Variants in SASH1 observed in about 807,000 individuals in gnomAD.
SASH1 encodes SAM and SH3 domain containing 1.
SASH1 carries 44 observed loss-of-function variants against 125.2 expected under a neutral mutation model. The ratio of observed to expected loss-of-function variants is 0.35; its 90% confidence interval spans 0.28 to 0.45. SASH1 has a LOEUF of 0.45. Ranked by LOEUF, SASH1 falls within the 20% of genes least tolerant of loss-of-function variation. The pLI, the probability that SASH1 is intolerant of heterozygous loss-of-function variation, is 1.00. For missense variants in SASH1, 1,426 were observed against 1,614.5 expected, an observed-to-expected ratio of 0.88 and a Z score of 2.00; for synonymous variants, 639 against 649.1, an observed-to-expected ratio of 0.98 and a Z score of 0.24.
intron 1 of SASH1, among the ~76,000 whole-genome samples, chr6:148,273,029 G>A (rs1433544001): frequency 6.6e-6 from 1 of 152,090 alleles, no homozygotes; most frequent in Non-Finnish European, 1.5e-5. Context: ...AGAGGCCGGG[G>A]CGGGAAGGTT....
intron 1 of SASH1, among the ~76,000 whole-genome samples, chr6:148,283,043 T>G (rs1271445464): frequency 6.6e-6 from 1 of 152,172 alleles, no homozygotes; most frequent in Non-Finnish European, 1.5e-5. Context: ...GCCAACTGCT[T>G]CCCAATTTCA....
At chr6:148,225,157 A>G in the SASH1 span, among the ~76,000 whole-genome samples, 2 of 152,228 alleles carry the variant, frequency 1.3e-5, no homozygotes, top group Non-Finnish European at 2.9e-5. Context: ...GGCTATTGTT[A>G]ACGCAACTCC....
intron 2 of SASH1, chr6:148,393,888 C>CTT (rs67180276): frequency 9.5e-4 from 103 of 108,728 alleles, no homozygotes; most frequent in African/African-American, 2.0e-3. Flanking sequence ...CTCTCTCTCT[C>CTT]TTTTTTTTTT....
chr6:148,461,137 G>GT lies in SASH1; in HGVS notation c.387-7403dup, dbSNP rs1490732392. 2.0e-5 allele frequency among the ~76,000 whole-genome samples: 3 copies of GT among 152,316 alleles called. No homozygotes were observed. In the East Asian group the frequency reaches 5.8e-4, roughly 29 times the overall value. ...TCTTAACAGTCCATTAAGGGGTACT[G>GT]TTTTTATCATCACAACTGCACTTAG... On this transcript the variant is annotated intron_variant, in intron 4 of 19. Coordinates refer to ENST00000367467, the MANE Select transcript of SASH1 (RefSeq NM_015278.5).
At chr6:148,426,601 A>T (rs1455376073) in intron 2 of SASH1, among the ~76,000 whole-genome samples, 2 of 152,170 alleles carry the variant, frequency 1.3e-5, no homozygotes, top group East Asian at 3.8e-4. Context: ...GTTGAAATGC[A>T]AAGTGAGTGA....
intron 2 of SASH1, chr6:148,393,585 A>G (rs951359231): frequency 1.9e-6 from 1 of 527,770 alleles, no homozygotes; most frequent in African/African-American, 2.1e-5. Flanking sequence ...GGTAGGAGAG[A>G]AAGTCTGCCC....
At chr6:148,281,094 CA>C (rs1439871634) in intron 1 of SASH1, among the ~76,000 whole-genome samples, 1 of 150,468 alleles carries the variant, frequency 6.6e-6, no homozygotes, top group African/African-American at 2.4e-5. Context: ...AGGCATGCAC[CA>C]CCATGCCTAG....
intron 10 of SASH1, among the ~76,000 whole-genome samples, chr6:148,522,628 T>C (rs539838872): frequency 6.6e-6 from 1 of 152,342 alleles, no homozygotes; most frequent in African/African-American, 2.4e-5. Flanking sequence ...TTTGTCCATT[T>C]TTGAATTCAA....
In SASH1 at chr6:148,343,004, G is replaced by A; in HGVS notation, c.-64G>A. On this transcript the variant is annotated 5_prime_UTR_variant, in exon 1 of 20. Transcript: ENST00000367467. ...GGGACCCGGCATCCGGGCAGGCTGCGCGCGGGTGCGGGGCGAGGGCGCCGC... is the reference window on the plus strand; with the variant it reads ...GGGACCCGGCATCCGGGCAGGCTGCACGCGGGTGCGGGGCGAGGGCGCCGC... 1 of 1,099,470 alleles carries A rather than the reference G, an allele frequency of 9.1e-7. No individual in the cohort carries two copies. Among genetic ancestry groups the A allele is most frequent in the South Asian group, 4.3e-5 (1 of 23,186 alleles). 68.1% of individuals were successfully genotyped at this position (1,099,470 alleles called of 1,614,324 possible). A position where few individuals can be genotyped will look rare whatever the true frequency, so the allele number is the denominator to read the frequency against.
chr6:148,348,069 C>A (rs555374637), intron 1 of SASH1, among the ~76,000 whole-genome samples: 1 of 152,210 alleles, frequency 6.6e-6, no homozygotes, highest in East Asian at 1.9e-4. Flanking sequence ...TGCAGTGGTG[C>A]AATCTCCGGT....
chr6:148,255,117 A>ATT, the SASH1 span, among the ~76,000 whole-genome samples: 2 of 152,196 alleles, frequency 1.3e-5, no homozygotes, highest in Non-Finnish European at 2.9e-5. Context: ...AAAGGGCCAC[A>ATT]TATTGCATGA....
chr6:148,228,194 T>A, the SASH1 span, among the ~76,000 whole-genome samples: 1 of 152,240 alleles, frequency 6.6e-6, no homozygotes, highest in East Asian at 1.9e-4. Flanking sequence ...TATGGACTAT[T>A]TCAATTTATT....
chr6:148,380,549 C>T (rs147902857), intron 1 of SASH1, among the ~76,000 whole-genome samples: 16 of 152,308 alleles, frequency 1.1e-4, no homozygotes, highest in African/African-American at 3.6e-4. Flanking sequence ...CTTTTCAAAT[C>T]TGTGATTCTG....
intron 1 of SASH1, among the ~76,000 whole-genome samples, chr6:148,279,311 A>C (rs138640918): frequency 6.6e-6 from 1 of 152,278 alleles, no homozygotes; most frequent in Non-Finnish European, 1.5e-5. Flanking sequence ...ATCTTTAAGA[A>C]ACTGTATTTA....
chr6:148,296,762 G>A (rs1158759041), intron 1 of SASH1, among the ~76,000 whole-genome samples: 3 of 152,150 alleles, frequency 2.0e-5, no homozygotes, highest in Non-Finnish European at 2.9e-5. Context: ...TGGAGAAAGG[G>A]GTCAAGGACA....
chr6:148,424,586 A>G (rs916752392), intron 2 of SASH1, among the ~76,000 whole-genome samples: 11 of 151,860 alleles, frequency 7.2e-5, no homozygotes, highest in African/African-American at 2.7e-4. Flanking sequence ...ACTCACTGTA[A>G]CCTCTAACTC....
chr6:148,538,407 T>C (rs920824011), intron 16 of SASH1, among the ~76,000 whole-genome samples: 10 of 152,182 alleles, frequency 6.6e-5, no homozygotes, highest in Non-Finnish European at 1.5e-4. Context: ...ATAAGTATCA[T>C]TTTTCTAAAT....
chr6:148,247,458 G>A, the SASH1 span, among the ~76,000 whole-genome samples: 1 of 152,216 alleles, frequency 6.6e-6, no homozygotes, highest in Non-Finnish European at 1.5e-5. Context: ...AGAAGTCAAA[G>A]CTGGGGACAA....
chr6:148,547,847 C>T (rs73589322), intron 19 of SASH1, among the ~76,000 whole-genome samples: 12,418 of 152,170 alleles, frequency 0.082, 792 homozygotes, highest in African/African-American at 0.18. Flanking sequence ...ATTGACTAAA[C>T]ATGTAATTTT....
Sources: gnomAD v4.1 joint callset for allele counts (sites outside exome capture counted in the v4.1 genomes callset) on GRCh38, gnomAD v4.1.1 for gene constraint, MANE v1.5 for transcripts, NCBI Gene and HGNC (gene_info 2026-07-23, HGNC 2026-07-21) for gene names.